Variants in NLRC3 observed in about 807,000 individuals in gnomAD.
NLRC3 encodes NLR family CARD domain containing 3.
In NLRC3, 87 loss-of-function variants were observed where a neutral mutation model predicts 91.6. That is an observed-to-expected ratio of 0.95 (90% CI 0.80 to 1.14). The LOEUF is 1.14. NLRC3 is among the 50% of genes most tolerant of loss of function. The probability of loss-of-function intolerance (pLI) is 0.00; values close to 1 mark genes in which losing one functional copy is unlikely to be tolerated. For missense variants in NLRC3, 1,577 were observed against 1,418.6 expected (o/e 1.11, Z -1.79); for synonymous variants, 694 against 625.3 (o/e 1.11, Z -1.64).
Position 3,550,494 on chromosome 16 carries a change from G to C in NLRC3, c.2355C>G (p.Phe785Leu), listed in dbSNP as rs757264632. ...CTCCATCACCAATACTATTACTGGA[G>C]AACCTGCAAGAGAAGGGATATGGAT... ...KQNRSLKELM[F>L]SSNSIGDGGA... is the part of the protein sequence containing the mutation. Residue 785 changes from phenylalanine to leucine, a missense_variant, in exon 11 of 20, where the codon TTC (phenylalanine) becomes TTG (leucine). By Grantham distance (22) the Phe-to-Leu change is conservative. Transcript: ENST00000359128. The C allele has an allele frequency of 1.4e-5, 22 of 1,610,414 alleles. No homozygotes were observed. Among genetic ancestry groups the C allele is most frequent in the Non-Finnish European group, 1.9e-5 (22 of 1,176,758 alleles).
Position 3,569,397 on chromosome 16 carries a change from A to ATTTTTTTTTTT in NLRC3, c.-168-2084_-168-2074dup, listed in dbSNP as rs1203778704. ...ATATATATATATATATATATATATTATTTTTTTTTTTTTTTTTTTTTTTTG... is the reference window on the plus strand; with the variant it reads ...ATATATATATATATATATATATATTATTTTTTTTTTTTTTTTTTTTTTTTTTTTTTTTTTTG... On this transcript the variant is annotated intron_variant, in intron 1 of 19. Coordinates refer to ENST00000359128, the MANE Select transcript of NLRC3 (RefSeq NM_178844.4). Among the ~76,000 whole-genome samples, 6 of 41,060 alleles carry ATTTTTTTTTTT rather than the reference A, an allele frequency of 1.5e-4. 1 individual carries two copies. Among genetic ancestry groups the ATTTTTTTTTTT allele is most frequent in the African/African-American group, 7.4e-4 (6 of 8,074 alleles). 26.9% of individuals were successfully genotyped at this position (41,060 alleles called of 152,430 possible). A position where few individuals can be genotyped will look rare whatever the true frequency, so the allele number is the denominator to read the frequency against.
At chr16:3,562,923 C>T in intron 5 of NLRC3, 86 bp downstream of exon 5, 1 of 1,233,850 alleles carries the variant, frequency 8.1e-7, no homozygotes. Flanking sequence ...AGGAGACTGA[C>T]AGAGAAGCTT....
intron 1 of NLRC3, among the ~76,000 whole-genome samples, chr16:3,569,182 C>T (rs571964869): frequency 2.7e-4 from 41 of 151,474 alleles, no homozygotes; most frequent in African/African-American, 9.2e-4. Flanking sequence ...GGTGTGATGG[C>T]GTGTGCCTGT....
chr16:3,544,395 GC>G (rs2151080982), intron 15 of NLRC3, 66 bp from the exon 16 acceptor site: 2 of 1,144,820 alleles, frequency 1.7e-6, no homozygotes, highest in East Asian at 4.7e-5. Context: ...AGGCCCTGCC[GC>G]ACTTGGACCT....
intron 1 of NLRC3, among the ~76,000 whole-genome samples, chr16:3,569,397 A>ATTTTTTTT (rs1203778704): frequency 2.4e-4 from 10 of 41,060 alleles, no homozygotes; most frequent in Non-Finnish European, 3.0e-4. Flanking sequence ...TATATATATT[A>ATTTTTTTT]TTTTTTTTTT....
intron 6 of NLRC3, among the ~76,000 whole-genome samples, chr16:3,558,431 C>A (rs1330093955): frequency 6.6e-6 from 1 of 152,158 alleles, no homozygotes; most frequent in African/African-American, 2.4e-5. Flanking sequence ...GTTCAAGCAC[C>A]TCCACCTTGC....
chr16:3,548,134 C>T lies in NLRC3; in HGVS notation c.2771+1G>A, dbSNP rs745472502. ...TGCAGCCCCTGGGCAGGCCAACTTA[C>T]TCTAAGCTGGTGAGGCTCCTGTTGA... On this transcript the variant is annotated splice_donor_variant, in intron 15 of 19. Transcript: ENST00000359128. LOFTEE classifies it high-confidence loss of function. 1.3e-6 allele frequency: 2 copies of T among 1,578,294 alleles called. No homozygotes were observed. Among genetic ancestry groups the T allele is most frequent in the Non-Finnish European group, 1.7e-6 (2 of 1,161,214 alleles).
Position 3,541,780 on chromosome 16 carries a change from C to T in NLRC3, c.*45G>A, listed in dbSNP as rs758577997. ...AGAAGTCGGCCTTTCTGTTCAAAAG[C>T]TTCCAGCTGAGCATCTGCCCATTCT... On this transcript the variant is annotated 3_prime_UTR_variant, in exon 20 of 20. Coordinates refer to ENST00000359128, the MANE Select transcript of NLRC3 (RefSeq NM_178844.4). 10 of 1,359,166 alleles carry T rather than the reference C, an allele frequency of 7.4e-6. No individual in the cohort carries two copies. In the South Asian group the frequency reaches 1.2e-4, roughly 16 times the overall value. 84.2% of individuals were successfully genotyped at this position (1,359,166 alleles called of 1,614,324 possible).
Position 3,541,642 on chromosome 16 carries a change from C to T in NLRC3, c.*183G>A, listed in dbSNP as rs987635261. 4 of 600,854 alleles carry T rather than the reference C, an allele frequency of 6.7e-6. No individual in the cohort carries two copies. The highest frequency in any genetic ancestry group is 1.2e-5 in the Non-Finnish European group (4 of 337,166). The allele number at this position is 600,854 out of a possible 1,614,324, so 37.2% of individuals were successfully genotyped here. A position where few individuals can be genotyped will look rare whatever the true frequency, so the allele number is the denominator to read the frequency against. On this transcript the variant is annotated 3_prime_UTR_variant, in exon 20 of 20. Transcript: ENST00000359128. The stretch of plus-strand genomic sequence containing the variant: ...CCGTCACCCCCTGCCTGGACCACTC[C>T]TGCAGCAGAAGAGGAGCTCACGACC...
chr16:3,560,825 A>G lies in NLRC3; in HGVS notation c.2015+877T>C, dbSNP rs534364038. Among the ~76,000 whole-genome samples the G allele has an allele frequency of 1.7e-3, 262 of 151,294 alleles. 1 individual carries two copies. Among genetic ancestry groups the G allele is most frequent in the Non-Finnish European group, 3.0e-3 (203 of 67,814 alleles). The stretch of plus-strand genomic sequence containing the variant: ...CAGGCGCCCACCACCACGCCCGGCT[A>G]ATTTTTTGTATTTTTAGTAGAGACA... On this transcript the variant is annotated intron_variant, in intron 6 of 19. Coordinates refer to ENST00000359128, the MANE Select transcript of NLRC3 (RefSeq NM_178844.4).
In NLRC3 at chr16:3,577,180, C is replaced by T; in HGVS notation, c.-200G>A. The T allele has an allele frequency of 1.4e-6, 1 of 702,980 alleles. No homozygotes were observed. Among genetic ancestry groups the T allele is most frequent in the Non-Finnish European group, 2.6e-6 (1 of 384,980 alleles). The allele number at this position is 702,980 out of a possible 1,614,324, so 43.5% of individuals were successfully genotyped here. On this transcript the variant is annotated 5_prime_UTR_variant, in exon 1 of 20. Coordinates refer to ENST00000359128, the MANE Select transcript of NLRC3 (RefSeq NM_178844.4). ...GGCCTCGATGCTGCTCCAGGGACAG[C>T]AAGACTGGGGGGCCTGGGGGCGTCC...
intron 3 of NLRC3, 28 bp downstream of exon 3, chr16:3,565,291 G>C: frequency 1.5e-6 from 1 of 679,330 alleles, no homozygotes. Flanking sequence ...CTGGGGCCCT[G>C]AGCTTGTACC....
intron 1 of NLRC3, among the ~76,000 whole-genome samples, chr16:3,574,919 G>A (rs1352248514): frequency 2.6e-5 from 4 of 152,056 alleles, no homozygotes; most frequent in African/African-American, 4.8e-5. Flanking sequence ...CCAAGATCAC[G>A]CCACTGCACT....
rs569622921 is a variant in NLRC3, at chr16:3,548,681, G to A, written c.2676C>T (p.Leu892=). Residue 892 remains leucine, a synonymous_variant, in exon 14 of 20, where the codon CTC becomes CTT. Transcript: ENST00000359128. ...AGCTGCAGACTCACTGAAGGGAGGT[G>A]AGGGTGCGGTTTTCTCTCACTGCCA... ...IAVAVRENRT[L]TSLHLQWNFI... The A allele has an allele frequency of 6.3e-7, 1 of 1,588,832 alleles. No homozygotes were observed. The highest frequency in any genetic ancestry group is 1.8e-5 in the Admixed American group (1 of 56,194).
intron 16 of NLRC3, chr16:3,543,879 TGTG>T (rs2038543559): frequency 2.9e-6 from 1 of 346,986 alleles, no homozygotes; most frequent in Non-Finnish European, 5.4e-6. Context: ...CCAGGCCAGG[TGTG>T]GTGGCTCACA....
chr16:3,548,596 G>T, intron 14 of NLRC3, 74 bp downstream of exon 14: 2 of 1,116,138 alleles, frequency 1.8e-6, no homozygotes, highest in Non-Finnish European at 2.6e-6. Flanking sequence ...TGTGGCCTGT[G>T]CATCGTTGGT....
chr16:3,575,442 G>A (rs1375557088), intron 1 of NLRC3, among the ~76,000 whole-genome samples: 1 of 152,234 alleles, frequency 6.6e-6, no homozygotes. Context: ...CTGAGGACAG[G>A]TGGGACTCGG....
intron 2 of NLRC3, among the ~76,000 whole-genome samples, chr16:3,566,720 C>T: frequency 6.7e-6 from 1 of 148,594 alleles, no homozygotes; most frequent in Non-Finnish European, 1.5e-5. Flanking sequence ...AACGAAACTC[C>T]GTATAAAAAA....
Position 3,548,143 on chromosome 16 carries a change from G to C in NLRC3, c.2763C>G (p.Thr921=). The C allele has an allele frequency of 1.3e-6, 2 of 1,585,724 alleles. No individual in the cohort carries two copies. ...GQALQLNRSL[T]SLDLQENAIG... is the part of the protein sequence containing the mutation. ...TGGGCAGGCCAACTTACTCTAAGCT[G>C]GTGAGGCTCCTGTTGAGCTGTAGTG... The change falls in exon 15 of 20, where the codon ACC becomes ACG. Residue 921 remains threonine, a synonymous_variant. Transcript: ENST00000359128.
Sources: allele counts gnomAD v4.1 joint callset (sites outside exome capture counted in the v4.1 genomes callset), GRCh38; gene constraint gnomAD v4.1.1; transcripts MANE v1.5; gene names NCBI Gene and HGNC (gene_info 2026-07-23, HGNC 2026-07-21).